MYO1D: variants seen among roughly 807,000 people sequenced by gnomAD.
MYO1D encodes unconventional myosin-Id.
In MYO1D, 83 loss-of-function variants were observed where a neutral mutation model predicts 122.0. That is an observed-to-expected ratio of 0.68 (90% CI 0.57 to 0.82). MYO1D has a LOEUF of 0.82. Among genes scored for constraint, MYO1D ranks in the 40% least tolerant of loss-of-function variants. MYO1D has a pLI of 0.00. For synonymous variants in MYO1D, 464 were observed against 446.9 expected, an observed-to-expected ratio of 1.04 and a Z score of -0.48; for missense variants, 1,157 against 1,269.5, an observed-to-expected ratio of 0.91 and a Z score of 1.35.
intron 20 of MYO1D, among the ~76,000 whole-genome samples, chr17:32,609,808 A>T (rs2150917630): frequency 6.6e-6 from 1 of 152,324 alleles, no homozygotes; most frequent in East Asian, 1.9e-4. Context: ...ATTGGAAATC[A>T]TTCACCAACC....
chr17:32,694,931 C>G (rs1405920538), intron 16 of MYO1D, among the ~76,000 whole-genome samples: 1 of 152,080 alleles, frequency 6.6e-6, no homozygotes, highest in African/African-American at 2.4e-5. Flanking sequence ...TGGTGGAAAC[C>G]TGGGAATCAT....
At chr17:32,507,244 T>TAA (rs57888406) in intron 21 of MYO1D, among the ~76,000 whole-genome samples, 3,681 of 147,136 alleles carry the variant, frequency 0.025, 141 homozygotes, top group African/African-American at 0.083. Context: ...TTACAAAAAA[T>TAA]AAAAAAAAAA....
At chr17:32,818,125 C>CAAAAAAAAAAAAAAAAAAAAAAA (rs58466009) in intron 1 of MYO1D, among the ~76,000 whole-genome samples, 25 of 45,992 alleles carry the variant, frequency 5.4e-4, no homozygotes, top group Middle Eastern at 0.01. Flanking sequence ...GACTCCGTCT[C>CAAAAAAAAAAAAAAAAAAAAAAA]AAAAAAAAAA....
intron 20 of MYO1D, among the ~76,000 whole-genome samples, chr17:32,610,626 C>T (rs1261058637): frequency 6.6e-6 from 1 of 152,132 alleles, no homozygotes; most frequent in African/African-American, 2.4e-5. Flanking sequence ...GTCTACCTTG[C>T]AGGGTTGTGG....
chr17:32,669,114 C>T (rs2088675485), intron 16 of MYO1D, among the ~76,000 whole-genome samples: 1 of 152,152 alleles, frequency 6.6e-6, no homozygotes, highest in Non-Finnish European at 1.5e-5. Context: ...TCAGGATATG[C>T]CACCCAAAAT....
intron 16 of MYO1D, among the ~76,000 whole-genome samples, chr17:32,694,607 A>G (rs2089147022): frequency 1.4e-5 from 2 of 146,490 alleles, no homozygotes; most frequent in Admixed American, 1.4e-4. Flanking sequence ...AGGCTGAGGC[A>G]GGAGAATGGC....
intron 20 of MYO1D, among the ~76,000 whole-genome samples, 194 bp downstream of exon 20, chr17:32,638,528 G>A (rs2088139797): frequency 6.6e-6 from 1 of 152,146 alleles, no homozygotes; most frequent in African/African-American, 2.4e-5. Context: ...AAAAATGTCT[G>A]CATTTATCTC....
intron 1 of MYO1D, among the ~76,000 whole-genome samples, chr17:32,854,339 AG>A (rs2091011649): frequency 1.3e-5 from 2 of 152,244 alleles, no homozygotes; most frequent in African/African-American, 4.8e-5. Context: ...TCTGAAAAAC[AG>A]ATCTCTTCCT....
chr17:32,563,231 A>G (rs1327293771), intron 21 of MYO1D, among the ~76,000 whole-genome samples: 1 of 90,440 alleles, frequency 1.1e-5, no homozygotes, highest in African/African-American at 4.5e-5. Flanking sequence ...TTTTTTTGAG[A>G]CAGAGTCTTG....
chr17:32,845,369 T>G (rs1294204760), intron 1 of MYO1D, among the ~76,000 whole-genome samples: 1 of 152,178 alleles, frequency 6.6e-6, no homozygotes, highest in Non-Finnish European at 1.5e-5. Context: ...GTAATAGGAC[T>G]GAGATTATCA....
At chr17:32,527,044 C>G (rs1910366589) in intron 21 of MYO1D, among the ~76,000 whole-genome samples, 1 of 152,210 alleles carries the variant, frequency 6.6e-6, no homozygotes, top group African/African-American at 2.4e-5. Context: ...ATCAGCCATC[C>G]CATACAGTGC....
rs553821548 is a variant in MYO1D at position 32,585,748 on chromosome 17, A to T, written c.2864+19339T>A. 2.0e-5 allele frequency among the ~76,000 whole-genome samples: 3 copies of T among 151,952 alleles called. No individual in the cohort carries two copies. In the East Asian group the frequency reaches 5.8e-4, roughly 29 times the overall value. On this transcript the variant is annotated intron_variant, in intron 21 of 21. Coordinates refer to ENST00000318217, the MANE Select transcript of MYO1D (RefSeq NM_015194.3). ...GCAAGAATCCGTCTCAAAATAAAAAAAAAAAAAAAAAGGAAGGGCAGTCTA... is the reference window on the plus strand; with the variant it reads ...GCAAGAATCCGTCTCAAAATAAAAATAAAAAAAAAAAGGAAGGGCAGTCTA...
At chr17:32,501,419 G>T (rs530331511) in intron 21 of MYO1D, among the ~76,000 whole-genome samples, 1 of 152,194 alleles carries the variant, frequency 6.6e-6, no homozygotes, top group Admixed American at 6.5e-5. Flanking sequence ...TTCCCGAGGG[G>T]GTCCTGCCCA....
chr17:32,577,569 C>T (rs1349514374), intron 21 of MYO1D, among the ~76,000 whole-genome samples: 3 of 151,908 alleles, frequency 2.0e-5, no homozygotes, highest in African/African-American at 7.3e-5. Flanking sequence ...CTCTTCTGAA[C>T]AGATGGCTAT....
intron 1 of MYO1D, among the ~76,000 whole-genome samples, chr17:32,831,068 A>T (rs1010264430): frequency 6.6e-6 from 1 of 152,204 alleles, no homozygotes; most frequent in African/African-American, 2.4e-5. Context: ...ATAAAAAAAA[A>T]TACTGACATG....
At chr17:32,640,798 G>A (rs1308492755) in intron 19 of MYO1D, among the ~76,000 whole-genome samples, 3 of 151,876 alleles carry the variant, frequency 2.0e-5, no homozygotes, top group African/African-American at 7.3e-5. Context: ...CTAGCCTTAT[G>A]TGAGGTTTTG....
intron 1 of MYO1D, among the ~76,000 whole-genome samples, chr17:32,793,683 T>G (rs1013920789): frequency 2.6e-5 from 4 of 152,146 alleles, no homozygotes; most frequent in Non-Finnish European, 5.9e-5. Flanking sequence ...CCACAGCCCA[T>G]CAGTGCAGCA....
intron 1 of MYO1D, among the ~76,000 whole-genome samples, chr17:32,820,319 T>C (rs1456008884): frequency 1.3e-5 from 2 of 152,328 alleles, no homozygotes; most frequent in South Asian, 2.1e-4. Flanking sequence ...CTTCACCCCA[T>C]GTTCACTGCA....
At chr17:32,759,221 T>G (rs578002638) in intron 10 of MYO1D, among the ~76,000 whole-genome samples, 1 of 152,138 alleles carries the variant, frequency 6.6e-6, no homozygotes, top group African/African-American at 2.4e-5. Context: ...TTGGTTTATA[T>G]GCAGATAGGT....
Sources: allele counts gnomAD v4.1 joint callset (sites outside exome capture counted in the v4.1 genomes callset), GRCh38; gene constraint gnomAD v4.1.1; transcripts MANE v1.5; gene names NCBI Gene and HGNC (gene_info 2026-07-23, HGNC 2026-07-21).